Variants in CTNND2 observed in about 807,000 individuals in gnomAD.
CTNND2 encodes the protein catenin delta-2.
Under a neutral mutation model 144.4 loss-of-function variants are expected in CTNND2, and 22 were observed. The observed-to-expected ratio is 0.15, with a 90% CI of 0.11 to 0.22. The LOEUF is 0.22. CTNND2 is among the 10% of genes least tolerant of loss of function. CTNND2 has a pLI of 1.00. For missense variants in CTNND2, 1,353 were observed against 1,618.8 expected, an observed-to-expected ratio of 0.84 and a Z score of 2.82; for synonymous variants, 751 against 695.6, an observed-to-expected ratio of 1.08 and a Z score of -1.25.
chr5:11,389,877 TACA>T (rs1759479013), intron 6 of CTNND2, among the ~76,000 whole-genome samples: 1 of 152,242 alleles, frequency 6.6e-6, no homozygotes, highest in African/African-American at 2.4e-5. Flanking sequence ...TTGTTTCATG[TACA>T]ACATTATTTA....
chr5:11,428,596 G>A (rs928521982), intron 3 of CTNND2, among the ~76,000 whole-genome samples: 2 of 152,096 alleles, frequency 1.3e-5, no homozygotes, highest in Admixed American at 6.5e-5. Flanking sequence ...TTCCTTTTTT[G>A]TTGCATTGGG....
intron 17 of CTNND2, among the ~76,000 whole-genome samples, chr5:11,022,292 C>T (rs1393133): frequency 0.61 from 92,669 of 151,930 alleles, 29,558 homozygotes; most frequent in African/African-American, 0.81. Flanking sequence ...CCACATCTCA[C>T]AGCTTGTAAG....
At chr5:11,753,400 T>C (rs1305134425) in intron 1 of CTNND2, among the ~76,000 whole-genome samples, 1 of 151,884 alleles carries the variant, frequency 6.6e-6, no homozygotes, top group African/African-American at 2.4e-5. Flanking sequence ...TTTAATTTTA[T>C]TAAAAGCCTT....
chr5:11,388,285 C>T (rs1475054386), intron 6 of CTNND2, among the ~76,000 whole-genome samples: 1 of 152,240 alleles, frequency 6.6e-6, no homozygotes, highest in African/African-American at 2.4e-5. Context: ...GGAGCACCAG[C>T]TACACTGGTG....
At chr5:11,441,735 C>T (rs1305252863) in intron 3 of CTNND2, among the ~76,000 whole-genome samples, 1 of 150,396 alleles carries the variant, frequency 6.6e-6, no homozygotes, top group Non-Finnish European at 1.5e-5. Flanking sequence ...TCTCACTGAA[C>T]TTGGAAGCTC....
chr5:11,417,854 T>C (rs1762045484), intron 3 of CTNND2, among the ~76,000 whole-genome samples: 1 of 152,190 alleles, frequency 6.6e-6, no homozygotes, highest in African/African-American at 2.4e-5. Context: ...AGATTGTTCT[T>C]GCCTACATTG....
intron 2 of CTNND2, among the ~76,000 whole-genome samples, chr5:11,658,307 C>T (rs1253204171): frequency 6.6e-6 from 1 of 152,004 alleles, no homozygotes; most frequent in Non-Finnish European, 1.5e-5. Context: ...TCCAAGTAAC[C>T]TTTCACAGGT....
At chr5:11,558,340 A>G (rs898562554) in intron 3 of CTNND2, among the ~76,000 whole-genome samples, 2 of 109,210 alleles carry the variant, frequency 1.8e-5, no homozygotes, top group African/African-American at 7.3e-5. Flanking sequence ...TGTGAGAAAC[A>G]CGTGTGTGTG....
chr5:11,558,341 C>CGTGTGTGTGTGTGTGT (rs59741742), intron 3 of CTNND2, among the ~76,000 whole-genome samples: 6 of 132,118 alleles, frequency 4.5e-5, no homozygotes, highest in South Asian at 5.4e-4. Context: ...GTGAGAAACA[C>CGTGTGTGTGTGTGTGT]GTGTGTGTGT....
chr5:11,456,001 A>T (rs185772155), intron 3 of CTNND2, among the ~76,000 whole-genome samples: 11 of 152,318 alleles, frequency 7.2e-5, no homozygotes, highest in Admixed American at 5.2e-4. Context: ...TGCCATGAGA[A>T]GGACTACTGC....
At chr5:11,229,392 C>A (rs1025556203) in intron 10 of CTNND2, among the ~76,000 whole-genome samples, 6 of 152,020 alleles carry the variant, frequency 3.9e-5, no homozygotes, top group Non-Finnish European at 4.4e-5. Context: ...CATGGTGGTG[C>A]ACACCTATAA....
chr5:11,541,349 T>G (rs1039471331), intron 3 of CTNND2, among the ~76,000 whole-genome samples: 6 of 152,214 alleles, frequency 3.9e-5, no homozygotes, highest in Non-Finnish European at 7.3e-5. Flanking sequence ...TACCGGTTTC[T>G]GGGATAAAGG....
At chr5:11,691,727 G>A (rs946608432) in intron 2 of CTNND2, among the ~76,000 whole-genome samples, 5 of 151,992 alleles carry the variant, frequency 3.3e-5, no homozygotes, top group Admixed American at 2.6e-4. Context: ...CAACACAGTC[G>A]TCCCCTCTCT....
intron 9 of CTNND2, among the ~76,000 whole-genome samples, chr5:11,240,477 A>G (rs1487057468): frequency 9.1e-6 from 1 of 109,380 alleles, no homozygotes; most frequent in Non-Finnish European, 1.8e-5. Flanking sequence ...ACACTCACAT[A>G]CACTCAAACA....
chr5:11,132,740 A>T (rs573075485), intron 12 of CTNND2, among the ~76,000 whole-genome samples: 67 of 152,334 alleles, frequency 4.4e-4, no homozygotes, highest in South Asian at 3.3e-3. Context: ...CTAATAGAAA[A>T]GGAGACTCCA....
At chr5:11,543,627 T>C (rs1774953080) in intron 3 of CTNND2, among the ~76,000 whole-genome samples, 1 of 80,312 alleles carries the variant, frequency 1.2e-5, no homozygotes, top group Non-Finnish European at 2.3e-5. Flanking sequence ...TATATATCAG[T>C]AACGCTGTTT....
At chr5:11,302,972 A>G (rs779933064) in intron 9 of CTNND2, among the ~76,000 whole-genome samples, 4 of 152,128 alleles carry the variant, frequency 2.6e-5, no homozygotes, top group Non-Finnish European at 4.4e-5. Context: ...TCAGACCCAC[A>G]GGCATAGCCA....
intron 3 of CTNND2, among the ~76,000 whole-genome samples, chr5:11,539,862 C>T (rs916952623): frequency 7.9e-5 from 12 of 152,198 alleles, no homozygotes; most frequent in African/African-American, 1.9e-4. Flanking sequence ...GGCAAAACCC[C>T]GTCTCTGCTA....
At chr5:11,514,519 C>T (rs1226979655) in intron 3 of CTNND2, among the ~76,000 whole-genome samples, 1 of 152,166 alleles carries the variant, frequency 6.6e-6, no homozygotes, top group Non-Finnish European at 1.5e-5. Flanking sequence ...TATAATTGCA[C>T]AACACATTTC....
Sources: gnomAD v4.1 joint callset for allele counts (sites outside exome capture counted in the v4.1 genomes callset) on GRCh38, gnomAD v4.1.1 for gene constraint, MANE v1.5 for transcripts, NCBI Gene and HGNC (gene_info 2026-07-23, HGNC 2026-07-21) for gene names.